Variants in SPSB1 observed in about 807,000 individuals in gnomAD.
SPSB1 encodes the protein splA/ryanodine receptor domain and SOCS box containing 1, also known as SPRY domain-containing SOCS box protein 1.
SPSB1 carries 8 observed loss-of-function variants against 21.2 expected under a neutral mutation model. The ratio of observed to expected loss-of-function variants is 0.38; its 90% CI spans 0.22 to 0.68. SPSB1 has a LOEUF of 0.68. Among genes scored for constraint, SPSB1 ranks in the 30% least tolerant of loss-of-function variants. The pLI is 0.53. For missense variants in SPSB1, 242 were observed against 377.8 expected, an observed-to-expected ratio of 0.64 and a Z score of 2.98; for synonymous variants, 169 against 161.7, an observed-to-expected ratio of 1.05 and a Z score of -0.34.
intron 2 of SPSB1, among the ~76,000 whole-genome samples, chr1:9,366,891 CAG>C (rs1421137057): frequency 6.6e-6 from 1 of 152,184 alleles, no homozygotes; most frequent in Non-Finnish European, 1.5e-5. Context: ...AGCTTTAAAA[CAG>C]AGGTGAGAAT....
intron 1 of SPSB1, among the ~76,000 whole-genome samples, chr1:9,332,941 G>A (rs966869905): frequency 2.6e-5 from 4 of 152,230 alleles, no homozygotes; most frequent in African/African-American, 7.2e-5. Flanking sequence ...AGAGGGCATC[G>A]GCTGTGGGTG....
intron 1 of SPSB1, among the ~76,000 whole-genome samples, chr1:9,330,474 A>G (rs1639896051): frequency 4.2e-5 from 1 of 23,654 alleles, no homozygotes; most frequent in Non-Finnish European, 1.4e-4. Context: ...TCAAAATAAT[A>G]ACAATAATAA....
chr1:9,354,674 A>G (rs925657475), intron 1 of SPSB1, among the ~76,000 whole-genome samples: 6 of 152,032 alleles, frequency 3.9e-5, no homozygotes, highest in African/African-American at 1.5e-4. Context: ...TTAGCCAGGC[A>G]TGGTGGTGGG....
chr1:9,366,324 C>A (rs1156327326), intron 2 of SPSB1, among the ~76,000 whole-genome samples: 1 of 152,260 alleles, frequency 6.6e-6, no homozygotes, highest in Admixed American at 6.5e-5. Flanking sequence ...CCTGGGCCCT[C>A]AGCCTCACTG....
rs1553128958 is a variant in SPSB1, at chr1:9,361,156, C to CCTTTTTTTTTTTTTTTTT, written c.694+4571_694+4572insCTTTTTTTTTTTTTTTTT. Among the ~76,000 whole-genome samples the CCTTTTTTTTTTTTTTTTT allele has an allele frequency of 9.5e-4, 97 of 102,576 alleles. 30 individuals are homozygous for CCTTTTTTTTTTTTTTTTT. The highest frequency in any genetic ancestry group is 0.011 in the Middle Eastern group (2 of 176). The allele number at this position is 102,576 out of a possible 152,430, so 67.3% of individuals were successfully genotyped here. On this transcript the variant is annotated intron_variant, in intron 2 of 2. Transcript: ENST00000328089. ...CAGGCATGGCTGGATCTGTCATTTT[C>CCTTTTTTTTTTTTTTTTT]TTTTTTTTTTTTTTTTTTTTTTTTT...
At chr1:9,308,718 G>A (rs912823896) in intron 1 of SPSB1, among the ~76,000 whole-genome samples, 21 of 152,220 alleles carry the variant, frequency 1.4e-4, no homozygotes, top group African/African-American at 5.1e-4. Context: ...CCGGTTTACA[G>A]ATGAGAAAGG....
At position 9,331,111 on chromosome 1, in the gene SPSB1, T is replaced by C. The variant is rs192147002; in HGVS notation, c.-149-24632T>C. On this transcript the variant is annotated intron_variant, in intron 1 of 2. Transcript: ENST00000328089. Reference sequence around the variant, plus strand: ...ATTCTGTCGTGCTCTCCCCGCTGAATGCTTGTGGAAGTGTCTCCAGGCTCA... The same window carrying C: ...ATTCTGTCGTGCTCTCCCCGCTGAACGCTTGTGGAAGTGTCTCCAGGCTCA... Among the ~76,000 whole-genome samples the C allele has an allele frequency of 2.9e-3, 449 of 152,260 alleles. 1 individual carries two copies. Among genetic ancestry groups the C allele is most frequent in the African/African-American group, 0.01 (427 of 41,534 alleles).
intron 2 of SPSB1, among the ~76,000 whole-genome samples, chr1:9,357,064 G>T (rs1019941289): frequency 4.0e-5 from 6 of 151,854 alleles, no homozygotes; most frequent in Admixed American, 3.9e-4. Context: ...TGAGTGGATG[G>T]ATAAATGAAC....
chr1:9,332,592 G>A (rs1019942414), intron 1 of SPSB1, among the ~76,000 whole-genome samples: 2 of 152,190 alleles, frequency 1.3e-5, no homozygotes, highest in African/African-American at 2.4e-5. Context: ...AGGATCCCAC[G>A]GAGGGAGGTC....
At chr1:9,336,495 G>A (rs1277190112) in intron 1 of SPSB1, among the ~76,000 whole-genome samples, 2 of 152,070 alleles carry the variant, frequency 1.3e-5, no homozygotes, top group African/African-American at 4.8e-5. Flanking sequence ...CAAAGTGCTG[G>A]GATTACAGGC....
intron 1 of SPSB1, among the ~76,000 whole-genome samples, chr1:9,304,472 G>T (rs1283000226): frequency 6.6e-6 from 1 of 152,210 alleles, no homozygotes; most frequent in Non-Finnish European, 1.5e-5. Flanking sequence ...TAAGAATCTG[G>T]TGGAGAGGAA....
In SPSB1 at chr1:9,293,152, C is replaced by T. The variant is rs1639148243; in HGVS notation, c.-150+81C>T. On this transcript the variant is annotated intron_variant, in intron 1 of 2. Transcript: ENST00000328089. This position sits in a 1 kb window ranked among gnomAD's most constrained non-coding sequence, Gnocchi z 5.1. Reference sequence around the variant, plus strand: ...GGAGGCGCGGGGGGCCGGGCGAGGGCGGACGCGGGGATCGCGCCGCTGGGG... The same window carrying T: ...GGAGGCGCGGGGGGCCGGGCGAGGGTGGACGCGGGGATCGCGCCGCTGGGG... 4 of 968,818 alleles carry T rather than the reference C, an allele frequency of 4.1e-6. No individual in the cohort carries two copies. In the African/African-American group the frequency reaches 7.2e-5, roughly 17 times the overall value. 60.0% of individuals were successfully genotyped at this position (968,818 alleles called of 1,614,324 possible).
rs1640506152 is a variant in SPSB1, at chr1:9,363,056, G to A, written c.695-4392G>A. ...CCCCCAGTCAAGAGTGTGGAGGTTG[G>A]GGAGAACTCCCTGGTACTGGTAGTG... On this transcript the variant is annotated intron_variant, in intron 2 of 2. Transcript: ENST00000328089. This position sits in a 1 kb window ranked among gnomAD's most constrained non-coding sequence, Gnocchi z 4.5. Among the ~76,000 whole-genome samples the A allele has an allele frequency of 6.6e-6, 1 of 152,220 alleles. No individual in the cohort carries two copies. Among genetic ancestry groups the A allele is most frequent in the Non-Finnish European group, 1.5e-5 (1 of 68,046 alleles).
chr1:9,311,526 G>A (rs138434233), intron 1 of SPSB1, among the ~76,000 whole-genome samples: 39 of 152,276 alleles, frequency 2.6e-4, no homozygotes, highest in Admixed American at 1.6e-3. Context: ...TGGAAAGACC[G>A]ATCGGGCTTA....
chr1:9,344,572 G>A (rs1640140861), intron 1 of SPSB1, among the ~76,000 whole-genome samples: 1 of 152,210 alleles, frequency 6.6e-6, no homozygotes, highest in African/African-American at 2.4e-5. Flanking sequence ...GGTGTTGAGA[G>A]GCGGCAGGAG....
intron 1 of SPSB1, among the ~76,000 whole-genome samples, chr1:9,352,101 G>A (rs981907841): frequency 6.6e-6 from 1 of 152,236 alleles, no homozygotes; most frequent in Non-Finnish European, 1.5e-5. Context: ...GAAGGTGGGT[G>A]GAGGTGGAGG....
At chr1:9,335,757 A>G (rs1190416340) in intron 1 of SPSB1, among the ~76,000 whole-genome samples, 5 of 151,268 alleles carry the variant, frequency 3.3e-5, no homozygotes, top group African/African-American at 1.2e-4. Flanking sequence ...GCAGTGAGCC[A>G]TGATCGTGCC....
intron 1 of SPSB1, among the ~76,000 whole-genome samples, chr1:9,318,653 C>T (rs507656): frequency 6.6e-6 from 1 of 152,040 alleles, no homozygotes. Context: ...AAAGCCAGAC[C>T]GTGTGGCTGG....
chr1:9,296,850 G>A (rs556404198), intron 1 of SPSB1, among the ~76,000 whole-genome samples: 1 of 152,336 alleles, frequency 6.6e-6, no homozygotes, highest in Admixed American at 6.5e-5. Flanking sequence ...CACATTGGGG[G>A]ATCTGTCCTG....
Sources: allele counts gnomAD v4.1 joint callset (sites outside exome capture counted in the v4.1 genomes callset), GRCh38; gene constraint gnomAD v4.1.1; non-coding constraint Gnocchi (gnomAD v3.1); transcripts MANE v1.5; gene names NCBI Gene and HGNC (gene_info 2026-07-23, HGNC 2026-07-21).